The following SUV39H2 variants were observed in gnomAD, a reference collection of about 807,000 sequenced individuals.
SUV39H2 encodes the protein SUV39H2 histone lysine methyltransferase.
A neutral mutation model predicts 47.5 loss-of-function variants in SUV39H2; 10 were observed. The ratio of observed to expected loss-of-function variants is 0.21; its 90% CI spans 0.13 to 0.36. The LOEUF (loss-of-function observed/expected upper bound fraction) is 0.36. SUV39H2 is among the 10% of genes least tolerant of loss of function. SUV39H2 has a pLI of 1.00. For missense variants in SUV39H2, 266 were observed against 487.4 expected, an observed-to-expected ratio of 0.55 and a Z score of 4.28; for synonymous variants, 159 against 166.8, an observed-to-expected ratio of 0.95 and a Z score of 0.36.
rs745322597 is a variant in SUV39H2 at position 14,899,522 on chromosome 10, C to G, written c.850-17C>G. On this transcript the variant is annotated splice_polypyrimidine_tract_variant and intron_variant, in intron 3 of 5. Coordinates refer to ENST00000354919, the MANE Select transcript of SUV39H2 (RefSeq NM_001193424.2). ...GTTCAGTAGCTACGTAATATACTTA[C>G]AGTTTTTTCTGTTTAGGTAATCACA... 2 of 1,612,900 alleles carry G rather than the reference C, an allele frequency of 1.2e-6. No homozygotes were observed. Among genetic ancestry groups the G allele is most frequent in the Middle Eastern group, 1.7e-4 (1 of 6,056 alleles).
Position 14,902,508 on chromosome 10 carries a change from A to G in SUV39H2, c.1229A>G (p.Asn410Ser), listed in dbSNP as rs1456141886. 2 of 1,567,872 alleles carry G rather than the reference A, an allele frequency of 1.3e-6. No individual in the cohort carries two copies. Among genetic ancestry groups the G allele is most frequent in the Non-Finnish European group, 8.6e-7 (1 of 1,162,894 alleles). ...CGAVTCRGYL[N>S] ...GCTGTGACTTGCAGAGGTTACCTCA[A>G]CTGAACTTTTTCAGGAAATAGAGCT... is the stretch of plus-strand genomic sequence containing the variant. Residue 410 changes from asparagine to serine, a missense_variant, in exon 6 of 6, where the codon AAC becomes AGC. Physicochemically the swap from Asn to Ser is conservative, Grantham distance 46. Transcript: ENST00000354919.
intron 2 of SUV39H2, among the ~76,000 whole-genome samples, chr10:14,896,019 C>G (rs1192929824): frequency 6.6e-6 from 1 of 151,720 alleles, no homozygotes; most frequent in African/African-American, 2.4e-5. Context: ...TCTTGGCTCA[C>G]TGCAACCTCT....
Position 14,903,310 on chromosome 10 carries a change from T to G in SUV39H2, c.*798T>G, listed in dbSNP as rs1834144505. ...ACCAAGCAAGGGGAATGGAGCACTT[T>G]AAGGGCGCCTGTTAGTAACATGAAT... On this transcript the variant is annotated 3_prime_UTR_variant, in exon 6 of 6. Transcript: ENST00000354919. The G allele has an allele frequency of 3.3e-5, 5 of 152,154 alleles. No homozygotes were observed. In the South Asian group the frequency reaches 1.0e-3, roughly 32 times the overall value. The allele number at this position is 152,154 out of a possible 1,614,324, so 9.4% of individuals were successfully genotyped here. A position where few individuals can be genotyped will look rare whatever the true frequency, so the allele number is the denominator to read the frequency against.
Position 14,897,369 on chromosome 10 carries a change from A to C in SUV39H2, c.701A>C (p.Gln234Pro), listed in dbSNP as rs1231795610. 2 of 1,613,198 alleles carry C rather than the reference A, an allele frequency of 1.2e-6. No individual in the cohort carries two copies. Among genetic ancestry groups the C allele is most frequent in the Non-Finnish European group, 1.7e-6 (2 of 1,179,908 alleles). The change falls in exon 3 of 6, where the codon CAG becomes CCG. Residue 234 changes from glutamine to proline, a missense_variant. By Grantham distance (76) the Gln-to-Pro change is moderately conservative. Around this residue, in one of 4 missense-constraint regions of SUV39H2, gnomAD observed 112 missense variants for 271.9 expected, o/e 0.41. Coordinates refer to ENST00000354919, the MANE Select transcript of SUV39H2 (RefSeq NM_001193424.2). The stretch of plus-strand genomic sequence containing the variant: ...ATCTATGAATGCAACTCAAGGTGTC[A>C]GTGTGGTCCTGATTGTCCCAATAGG... Reference protein sequence around the residue: ...TPIYECNSRCQCGPDCPNRIV... With the variant: ...TPIYECNSRCPCGPDCPNRIV...
At position 14,881,499 on chromosome 10, in the gene SUV39H2, G is replaced by T; in HGVS notation, c.32-1G>T. ...TAAAGAATTCTATTTTCTTATTGTA[G>T]CTTGGTGTGTGCCTTGCCTAGTTTC... On this transcript the variant is annotated splice_acceptor_variant, in intron 1 of 5. Coordinates refer to ENST00000354919, the MANE Select transcript of SUV39H2 (RefSeq NM_001193424.2). LOFTEE classifies it high-confidence loss of function. 1 of 1,528,208 alleles carries T rather than the reference G, an allele frequency of 6.5e-7. No individual in the cohort carries two copies. The highest frequency in any genetic ancestry group is 8.7e-7 in the Non-Finnish European group (1 of 1,143,452). 94.7% of individuals were successfully genotyped at this position (1,528,208 alleles called of 1,614,324 possible). A position where few individuals can be genotyped will look rare whatever the true frequency, so the allele number is the denominator to read the frequency against.
At chr10:14,881,951 A>G (rs2131669013) in intron 2 of SUV39H2, among the ~76,000 whole-genome samples, 1 of 152,298 alleles carries the variant, frequency 6.6e-6, no homozygotes, top group Non-Finnish European at 1.5e-5. Context: ...TTGTTCGTGG[A>G]TCGTATTTCC....
chr10:14,899,270 T>C (rs750345072), intron 3 of SUV39H2: 124 of 702,104 alleles, frequency 1.8e-4, no homozygotes, highest in Non-Finnish European at 2.9e-4. Flanking sequence ...CAGGGAGTCA[T>C]GATGGCACCA....
chr10:14,889,854 G>A (rs1381126706), intron 2 of SUV39H2, among the ~76,000 whole-genome samples: 1 of 152,152 alleles, frequency 6.6e-6, no homozygotes, highest in African/African-American at 2.4e-5. Context: ...TCAATGCAAG[G>A]TGATTTTTCT....
At chr10:14,888,934 T>G (rs1055197360) in intron 2 of SUV39H2, among the ~76,000 whole-genome samples, 12 of 152,114 alleles carry the variant, frequency 7.9e-5, no homozygotes, top group Non-Finnish European at 1.5e-5. Context: ...AGAAACCCTG[T>G]CTCTACTAAA....
intron 2 of SUV39H2, among the ~76,000 whole-genome samples, chr10:14,892,727 C>A (rs1316371434): frequency 1.3e-5 from 2 of 152,144 alleles, no homozygotes; most frequent in African/African-American, 4.8e-5. Context: ...TCCCTATACC[C>A]CCTAGTGACC....
At chr10:14,885,820 T>C (rs1230644454) in intron 2 of SUV39H2, among the ~76,000 whole-genome samples, 1 of 152,230 alleles carries the variant, frequency 6.6e-6, no homozygotes, top group Non-Finnish European at 1.5e-5. Context: ...CCTTTTCTTG[T>C]GTGACCACCT....
chr10:14,882,184 C>A (rs368667862), intron 2 of SUV39H2, among the ~76,000 whole-genome samples: 3 of 152,164 alleles, frequency 2.0e-5, no homozygotes, highest in South Asian at 2.1e-4. Flanking sequence ...TCCTTTATTG[C>A]TCTTAAAAAA....
intron 2 of SUV39H2, among the ~76,000 whole-genome samples, chr10:14,891,786 G>A (rs1833397996): frequency 6.6e-6 from 1 of 152,174 alleles, no homozygotes; most frequent in Non-Finnish European, 1.5e-5. Flanking sequence ...ATGTCGATAG[G>A]TTGCTTTAAG....
intron 3 of SUV39H2, chr10:14,899,282 C>T (rs1043394568): frequency 8.4e-5 from 59 of 702,064 alleles, no homozygotes; most frequent in Admixed American, 1.6e-4. Flanking sequence ...ATGGCACCAC[C>T]GCATTCTAGC....
intron 2 of SUV39H2, among the ~76,000 whole-genome samples, chr10:14,887,464 A>G (rs997003418): frequency 2.0e-5 from 3 of 152,338 alleles, no homozygotes; most frequent in Middle Eastern, 3.4e-3. Context: ...AACATACTCA[A>G]CTTTCTTGAG....
intron 2 of SUV39H2, among the ~76,000 whole-genome samples, chr10:14,890,095 A>T (rs1033582801): frequency 2.0e-5 from 3 of 152,236 alleles, no homozygotes; most frequent in African/African-American, 7.2e-5. Context: ...AATTAATGAT[A>T]GTCCACATCT....
chr10:14,884,253 G>T (rs1417116007), intron 2 of SUV39H2, among the ~76,000 whole-genome samples: 1 of 152,186 alleles, frequency 6.6e-6, no homozygotes, highest in Non-Finnish European at 1.5e-5. Flanking sequence ...GGAACTGCCA[G>T]ACTCTTTTCC....
chr10:14,892,539 A>G (rs1833420739), intron 2 of SUV39H2, among the ~76,000 whole-genome samples: 1 of 151,992 alleles, frequency 6.6e-6, no homozygotes, highest in East Asian at 1.9e-4. Context: ...CTACTCAATC[A>G]CTGCTCTCAC....
intron 1 of SUV39H2, chr10:14,879,850 T>G (rs1832990806): frequency 6.6e-6 from 1 of 152,312 alleles, no homozygotes; most frequent in East Asian, 1.9e-4. Flanking sequence ...AATCTTTTTC[T>G]GCATTACTGG....
Sources: gnomAD v4.1 joint callset for allele counts (sites outside exome capture counted in the v4.1 genomes callset) on GRCh38, gnomAD v4.1.1 for gene constraint, gnomAD v4.1.1 regional missense constraint, MANE v1.5 for transcripts, NCBI Gene and HGNC (gene_info 2026-07-23, HGNC 2026-07-21) for gene names.